The following FRAS1 variants were observed in gnomAD, a reference collection of about 807,000 sequenced individuals.
FRAS1 encodes the protein extracellular matrix organizing protein FRAS1.
A neutral mutation model predicts 435.2 loss-of-function variants in FRAS1; 290 were observed. That is an observed-to-expected ratio of 0.67 (90% CI 0.61 to 0.73). The LOEUF is 0.73. Ranked by LOEUF, FRAS1 falls within the 30% of genes least tolerant of loss-of-function variation. The pLI is 0.00. For synonymous variants in FRAS1, 1,800 were observed against 1,851.0 expected (o/e 0.97, Z 0.71); for missense variants, 4,860 against 5,001.5 (o/e 0.97, Z 0.85).
intron 70 of FRAS1, among the ~76,000 whole-genome samples, chr4:78,531,000 C>T (rs994715626): frequency 3.3e-5 from 5 of 152,184 alleles, no homozygotes; most frequent in Admixed American, 1.3e-4. Context: ...TTGTTTGTGT[C>T]CTTTCTTATT....
intron 70 of FRAS1, among the ~76,000 whole-genome samples, chr4:78,530,981 G>GT (rs71216220): frequency 0.38 from 57,479 of 152,032 alleles, 11,137 homozygotes; most frequent in South Asian, 0.54. Context: ...AGCATGGAAT[G>GT]TTTTTCATTT....
chr4:78,493,458 G>A (rs1430124089), intron 59 of FRAS1, among the ~76,000 whole-genome samples: 2 of 152,132 alleles, frequency 1.3e-5, no homozygotes, highest in African/African-American at 2.4e-5. Context: ...CATACACCAT[G>A]GAGTATTATG....
Position 78,273,525 on chromosome 4 carries a change from G to C in FRAS1, c.982-5130G>C, listed in dbSNP as rs1162365799. On this transcript the variant is annotated intron_variant, in intron 9 of 73. Transcript: ENST00000512123. Reference sequence around the variant, plus strand: ...TTTATTGAGAATTTTTAGCATGAAGGGCTGTTGAATTTTGTCAAAGGCGTT... The same window carrying C: ...TTTATTGAGAATTTTTAGCATGAAGCGCTGTTGAATTTTGTCAAAGGCGTT... Among the ~76,000 whole-genome samples the C allele has an allele frequency of 3.3e-5, 5 of 152,068 alleles. No individual in the cohort carries two copies. In the East Asian group the frequency reaches 7.7e-4, roughly 23 times the overall value.
chr4:78,436,712 A>G (rs995343943), intron 38 of FRAS1, among the ~76,000 whole-genome samples: 3 of 152,198 alleles, frequency 2.0e-5, no homozygotes, highest in African/African-American at 7.2e-5. Context: ...GCAAAAGAGT[A>G]AAGTCAACTT....
intron 37 of FRAS1, among the ~76,000 whole-genome samples, chr4:78,430,776 T>C (rs1734188679): frequency 6.6e-6 from 1 of 152,184 alleles, no homozygotes; most frequent in African/African-American, 2.4e-5. Flanking sequence ...CTTAATTTGG[T>C]ATGTGAATCT....
chr4:78,154,103 G>GT (rs917506732), intron 2 of FRAS1, among the ~76,000 whole-genome samples: 73 of 149,450 alleles, frequency 4.9e-4, no homozygotes, highest in East Asian at 2.5e-3. Flanking sequence ...GTAATTTATA[G>GT]TTTTTTTTTT....
At chr4:78,163,644 T>A (rs1329684477) in intron 2 of FRAS1, among the ~76,000 whole-genome samples, 1 of 152,224 alleles carries the variant, frequency 6.6e-6, no homozygotes, top group African/African-American at 2.4e-5. Context: ...TCCATCCTAA[T>A]CCACAAATCT....
At chr4:78,464,168 T>G (rs1271656778) in intron 48 of FRAS1, 23 bp downstream of exon 48, 1 of 1,595,092 alleles carries the variant, frequency 6.3e-7, no homozygotes, top group East Asian at 2.2e-5. Context: ...CTGAACTCCA[T>G]CCTTGAAAAG....
chr4:78,145,867 T>G (rs1720398743), intron 2 of FRAS1, among the ~76,000 whole-genome samples: 1 of 152,094 alleles, frequency 6.6e-6, no homozygotes. Flanking sequence ...AGTAAGTGAG[T>G]TCTCACGAGG....
rs191048132 is a variant in FRAS1 at position 78,543,457 on chromosome 4, G to A, written c.*2333G>A. 1 of 152,250 alleles carries A rather than the reference G, an allele frequency of 6.6e-6. No homozygotes were observed. Among genetic ancestry groups the A allele is most frequent in the Non-Finnish European group, 1.5e-5 (1 of 68,078 alleles). The allele number at this position is 152,250 out of a possible 1,614,324, so 9.4% of individuals were successfully genotyped here. The stretch of plus-strand genomic sequence containing the variant: ...TGGCAGAATGAAGCTAGAGTGGGAA[G>A]GACTAAAGACTGAGCCCCAGAGTGC... On this transcript the variant is annotated 3_prime_UTR_variant, in exon 74 of 74. Transcript: ENST00000512123.
Position 78,419,022 on chromosome 4 carries a change from A to G in FRAS1, c.4499A>G (p.Lys1500Arg). Residue 1500 changes from lysine to arginine, a missense_variant, in exon 33 of 74, where the codon AAG (lysine) becomes AGG (arginine). Physicochemically the swap from Lys to Arg is conservative, Grantham distance 26. Transcript: ENST00000512123. ...SFINSEKPSG[K>R]IVYNITLPLH... ...ATAAACTCTGAGAAGCCAAGTGGAAAGATTGTCTACAACATCACTCTACCT... is the reference window on the plus strand; with the variant it reads ...ATAAACTCTGAGAAGCCAAGTGGAAGGATTGTCTACAACATCACTCTACCT... 1 of 1,600,294 alleles carries G rather than the reference A, an allele frequency of 6.2e-7. No homozygotes were observed. The highest frequency in any genetic ancestry group is 8.5e-7 in the Non-Finnish European group (1 of 1,175,350).
Position 78,446,881 on chromosome 4 carries a change from G to A in FRAS1, c.6010+1G>A. The A allele has an allele frequency of 6.2e-7, 1 of 1,604,494 alleles. No individual in the cohort carries two copies. The highest frequency in any genetic ancestry group is 8.5e-7 in the Non-Finnish European group (1 of 1,175,344). ...GTATTGACAAAAAAGCCTGACCACGGTAGGGCACGAACTGCTATGAAAAGC... is the reference window on the plus strand; with the variant it reads ...GTATTGACAAAAAAGCCTGACCACGATAGGGCACGAACTGCTATGAAAAGC... On this transcript the variant is annotated splice_donor_variant, in intron 43 of 73. Coordinates refer to ENST00000512123, the MANE Select transcript of FRAS1 (RefSeq NM_025074.7). LOFTEE classifies it high-confidence loss of function.
At chr4:78,317,257 G>C in intron 16 of FRAS1, 111 bp from the exon 17 acceptor site, 1 of 1,220,598 alleles carries the variant, frequency 8.2e-7, no homozygotes, top group Non-Finnish European at 1.2e-6. Context: ...CCTTGGTTTG[G>C]TGTGACATCC....
At chr4:78,330,812 G>C (rs575423525) in intron 18 of FRAS1, among the ~76,000 whole-genome samples, 2 of 152,262 alleles carry the variant, frequency 1.3e-5, no homozygotes, top group South Asian at 2.1e-4. Flanking sequence ...ATTTCGCCTC[G>C]GTCCTGTGGT....
intron 2 of FRAS1, among the ~76,000 whole-genome samples, chr4:78,188,378 T>TAAAA (rs1722378304): frequency 6.6e-6 from 1 of 152,162 alleles, no homozygotes; most frequent in East Asian, 1.9e-4. Context: ...CCATTACTTT[T>TAAAA]AATGTCAAAA....
chr4:78,242,823 C>T (rs756485473), intron 3 of FRAS1, among the ~76,000 whole-genome samples: 6 of 152,246 alleles, frequency 3.9e-5, no homozygotes, highest in Non-Finnish European at 8.8e-5. Flanking sequence ...TAGAAATAAC[C>T]TAGTGTCAAT....
rs1363883219 is a variant in FRAS1 at position 78,110,363 on chromosome 4, A to G, written c.108+44347A>G. Among the ~76,000 whole-genome samples, 30 of 128,564 alleles carry G rather than the reference A, an allele frequency of 2.3e-4. 5 individuals are homozygous for G. Among genetic ancestry groups the G allele is most frequent in the Admixed American group, 1.3e-3 (16 of 11,860 alleles). 84.3% of individuals were successfully genotyped at this position (128,564 alleles called of 152,430 possible). A position where few individuals can be genotyped will look rare whatever the true frequency, so the allele number is the denominator to read the frequency against. ...TGAGTTCAAACTATAATACAAGGCT[A>G]CAGTAACCAAAACAGCATGGTACTG... On this transcript the variant is annotated intron_variant, in intron 2 of 73. Coordinates refer to ENST00000512123, the MANE Select transcript of FRAS1 (RefSeq NM_025074.7).
chr4:78,393,366 G>A (rs955225819), intron 29 of FRAS1, among the ~76,000 whole-genome samples: 8 of 151,668 alleles, frequency 5.3e-5, no homozygotes, highest in Non-Finnish European at 8.8e-5. Flanking sequence ...ATTACCATAA[G>A]GGTTACATAA....
chr4:78,457,889 A>T (rs922972613), intron 47 of FRAS1, among the ~76,000 whole-genome samples: 2 of 152,208 alleles, frequency 1.3e-5, no homozygotes, highest in African/African-American at 4.8e-5. Flanking sequence ...TACCCTAATT[A>T]GCCTTTTAAG....
Sources: allele counts gnomAD v4.1 joint callset (sites outside exome capture counted in the v4.1 genomes callset), GRCh38; gene constraint gnomAD v4.1.1; transcripts MANE v1.5; gene names NCBI Gene and HGNC (gene_info 2026-07-23, HGNC 2026-07-21).